Variants in AFTPH observed in about 807,000 individuals in gnomAD.
The protein encoded by AFTPH is aftiphilin, also known as aftiphilin protein.
A neutral mutation model predicts 72.5 loss-of-function variants in AFTPH; 7 were observed. The observed-to-expected ratio is 0.10, with a 90% CI of 0.05 to 0.18. The LOEUF (loss-of-function observed/expected upper bound fraction) is 0.18. AFTPH is among the 10% of genes least tolerant of loss of function. The pLI, the probability that AFTPH is intolerant of heterozygous loss-of-function variation, is 1.00. For synonymous variants in AFTPH, 337 were observed against 370.1 expected (o/e 0.91, Z 1.03); for missense variants, 979 against 1,060.5 (o/e 0.92, Z 1.07).
rs774669104 is a variant in AFTPH, at chr2:64,555,989, C to CT, written c.1935+2595dup. Among the ~76,000 whole-genome samples, 390 of 134,022 alleles carry CT rather than the reference C, an allele frequency of 2.9e-3. 9 individuals carry two copies. Among genetic ancestry groups the CT allele is most frequent in the African/African-American group, 5.2e-3 (168 of 32,396 alleles). 87.9% of individuals were successfully genotyped at this position (134,022 alleles called of 152,430 possible). A position where few individuals can be genotyped will look rare whatever the true frequency, so the allele number is the denominator to read the frequency against. ...TGTTTGGAACAGCACGAATTCCTCA[C>CT]TTTTTTTTTTTTTTTGGAGACAGAA... On this transcript the variant is annotated intron_variant, in intron 2 of 8. Coordinates refer to ENST00000238856, the Ensembl canonical transcript of AFTPH.
At chr2:64,547,479 G>A (rs962504344) in intron 1 of AFTPH, among the ~76,000 whole-genome samples, 2 of 152,152 alleles carry the variant, frequency 1.3e-5, no homozygotes, top group African/African-American at 4.8e-5. Flanking sequence ...TTGATCACCT[G>A]ATTAAGGTAG....
intron 6 of AFTPH, among the ~76,000 whole-genome samples, chr2:64,575,333 A>G (rs1317644478): frequency 6.6e-6 from 1 of 152,072 alleles, no homozygotes; most frequent in Non-Finnish European, 1.5e-5. Flanking sequence ...CTCAGGTTAA[A>G]ATATTTAACA....
chr2:64,548,221 G>A (rs1196918144), intron 1 of AFTPH, among the ~76,000 whole-genome samples: 20 of 144,984 alleles, frequency 1.4e-4, no homozygotes, highest in African/African-American at 4.0e-4. Context: ...GTGAAACCCC[G>A]TCTCTACTAA....
chr2:64,565,688 A>G (rs1477230859), intron 2 of AFTPH, among the ~76,000 whole-genome samples: 2 of 152,218 alleles, frequency 1.3e-5, no homozygotes, highest in African/African-American at 2.4e-5. Context: ...ATTCCTTTAC[A>G]TATGGCCTAC....
intron 2 of AFTPH, among the ~76,000 whole-genome samples, chr2:64,559,142 C>G (rs1201801097): frequency 1.3e-5 from 2 of 152,146 alleles, no homozygotes; most frequent in East Asian, 3.8e-4. Context: ...AGTCTGGGGT[C>G]CTGTGTACAC....
At chr2:64,537,394 C>T (rs1443504087) in intron 1 of AFTPH, among the ~76,000 whole-genome samples, 1 of 152,102 alleles carries the variant, frequency 6.6e-6, no homozygotes, top group Non-Finnish European at 1.5e-5. Context: ...ACCTATGTAA[C>T]AAACCTGCAC....
At chr2:64,552,279 A>G (rs767781919) in exon 2 of AFTPH, 35 of 1,613,994 alleles carry the variant, frequency 2.2e-5, no homozygotes, top group Non-Finnish European at 2.8e-5. Flanking sequence ...TAAAATTAAT[A>G]GAGTCAATGA....
At chr2:64,541,401 C>T (rs1670244377) in intron 1 of AFTPH, among the ~76,000 whole-genome samples, 1 of 151,984 alleles carries the variant, frequency 6.6e-6, no homozygotes, top group African/African-American at 2.4e-5. Context: ...GTATTAATTT[C>T]TGTTGTGCTA....
chr2:64,561,712 C>A (rs1421338), intron 2 of AFTPH, among the ~76,000 whole-genome samples: 69,721 of 151,916 alleles, frequency 0.46, 17,042 homozygotes, highest in African/African-American at 0.65. Flanking sequence ...ATTGCTGTAA[C>A]TATTATTTTG....
intron 1 of AFTPH, among the ~76,000 whole-genome samples, chr2:64,527,664 T>G (rs1286102370): frequency 6.6e-6 from 1 of 152,206 alleles, no homozygotes; most frequent in Non-Finnish European, 1.5e-5. Context: ...CATTGTATAT[T>G]TAAAAAAAGG....
chr2:64,551,925 T>C, exon 2 of AFTPH: 1 of 1,613,608 alleles, frequency 6.2e-7, no homozygotes, highest in Non-Finnish European at 8.5e-7. Flanking sequence ...TGAAAGTTTC[T>C]CTCCAGGAGA....
intron 5 of AFTPH, among the ~76,000 whole-genome samples, chr2:64,570,327 C>A (rs1372384472): frequency 6.6e-6 from 1 of 152,038 alleles, no homozygotes; most frequent in African/African-American, 2.4e-5. Context: ...AAAAGCATTA[C>A]TATAACCGTT....
chr2:64,577,886 C>T (rs992855928), intron 6 of AFTPH, among the ~76,000 whole-genome samples: 1 of 152,054 alleles, frequency 6.6e-6, no homozygotes, highest in Non-Finnish European at 1.5e-5. Flanking sequence ...AGGAACATGA[C>T]ATTGGTACAA....
intron 1 of AFTPH, among the ~76,000 whole-genome samples, chr2:64,540,408 G>A (rs1430684072): frequency 6.6e-6 from 1 of 152,094 alleles, no homozygotes; most frequent in Non-Finnish European, 1.5e-5. Flanking sequence ...CTGATATGAT[G>A]AGTTAAAGGT....
chr2:64,536,948 T>C (rs950688953), intron 1 of AFTPH, among the ~76,000 whole-genome samples: 1 of 92,046 alleles, frequency 1.1e-5, no homozygotes, highest in African/African-American at 6.4e-5. Flanking sequence ...GGAGACTCTG[T>C]CTCAAAAAAA....
At chr2:64,571,986 C>G (rs555565452) in intron 5 of AFTPH, among the ~76,000 whole-genome samples, 1 of 152,016 alleles carries the variant, frequency 6.6e-6, no homozygotes, top group East Asian at 1.9e-4. Flanking sequence ...GAGGCCAAGA[C>G]GGGTGGATCA....
At chr2:64,582,361 T>A (rs1673259563) in intron 7 of AFTPH, among the ~76,000 whole-genome samples, 1 of 152,200 alleles carries the variant, frequency 6.6e-6, no homozygotes, top group African/African-American at 2.4e-5. Context: ...TAGGATGCCC[T>A]TCTTGAGATC....
At chr2:64,527,112 A>T (rs1355718319) in intron 1 of AFTPH, among the ~76,000 whole-genome samples, 5 of 152,232 alleles carry the variant, frequency 3.3e-5, no homozygotes, top group Admixed American at 3.3e-4. Flanking sequence ...CTTGAGAGGG[A>T]TGAAGGATCT....
chr2:64,585,645 C>A, intron 8 of AFTPH, 100 bp downstream of exon 9: 1 of 1,334,224 alleles, frequency 7.5e-7, no homozygotes, highest in Non-Finnish European at 1.0e-6. Flanking sequence ...TATATTATAT[C>A]ACAACTTGCT....
Sources: gnomAD v4.1 joint callset for allele counts (sites outside exome capture counted in the v4.1 genomes callset) on GRCh38, gnomAD v4.1.1 for gene constraint, MANE v1.5 for transcripts, NCBI Gene and HGNC (gene_info 2026-07-23, HGNC 2026-07-21) for gene names.